Variants in THSD7A observed in about 807,000 individuals in gnomAD.
THSD7A encodes the protein thrombospondin type-1 domain-containing protein 7A.
THSD7A carries 96 observed loss-of-function variants against 231.3 expected under a neutral mutation model. The ratio of observed to expected loss-of-function variants is 0.41; its 90% CI spans 0.35 to 0.49. The LOEUF (loss-of-function observed/expected upper bound fraction) is 0.49. THSD7A is among the 20% of genes least tolerant of loss of function. The probability of loss-of-function intolerance (pLI) is 0.05; values close to 1 mark genes in which losing one functional copy is unlikely to be tolerated. For missense variants in THSD7A, 2,290 were observed against 2,070.2 expected (o/e 1.11, Z -2.06); for synonymous variants, 940 against 743.3 (o/e 1.26, Z -4.30).
At chr7:11,660,285 G>A (rs1430586843) in intron 1 of THSD7A, among the ~76,000 whole-genome samples, 2 of 151,448 alleles carry the variant, frequency 1.3e-5, no homozygotes. Flanking sequence ...CACCTATTTG[G>A]AAAATTAGGT....
intron 24 of THSD7A, among the ~76,000 whole-genome samples, chr7:11,380,405 C>A (rs1782463977): frequency 6.6e-6 from 1 of 152,100 alleles, no homozygotes. Context: ...AAGGAAGCTC[C>A]TATTTTCAAA....
chr7:11,718,196 G>T (rs1781210313), intron 1 of THSD7A, among the ~76,000 whole-genome samples: 2 of 151,472 alleles, frequency 1.3e-5, no homozygotes, highest in South Asian at 4.2e-4. Context: ...ATTTATGAAA[G>T]AACTAAAAAC....
chr7:11,681,864 T>C (rs904007730), intron 1 of THSD7A, among the ~76,000 whole-genome samples: 1 of 149,042 alleles, frequency 6.7e-6, no homozygotes, highest in African/African-American at 2.5e-5. Flanking sequence ...AGAGAAAGGG[T>C]TCATATTACC....
In THSD7A at chr7:11,737,360, G is replaced by A. The variant is rs141522721; in HGVS notation, c.190+94397C>T. ...TGGGCTTAACATCAGCATAGGGCAC[G>A]GTGAGGCTCTTAGCCAGGCTTGATG... On this transcript the variant is annotated intron_variant, in intron 1 of 27. Coordinates refer to ENST00000423059, the MANE Select transcript of THSD7A (RefSeq NM_015204.3). Among the ~76,000 whole-genome samples the A allele has an allele frequency of 2.9e-3, 447 of 152,012 alleles. 3 individuals are homozygous for A. Among genetic ancestry groups the A allele is most frequent in the African/African-American group, 0.01 (431 of 41,496 alleles).
At chr7:11,508,724 A>G (rs1314639372) in intron 6 of THSD7A, among the ~76,000 whole-genome samples, 1 of 152,216 alleles carries the variant, frequency 6.6e-6, no homozygotes, top group Admixed American at 6.5e-5. Flanking sequence ...GATAAAGAAA[A>G]TGTGGTATAT....
intron 6 of THSD7A, among the ~76,000 whole-genome samples, chr7:11,499,134 T>C (rs1390214342): frequency 6.6e-6 from 1 of 152,166 alleles, no homozygotes; most frequent in Non-Finnish European, 1.5e-5. Context: ...TATCCACACC[T>C]CCAACAAGCT....
At chr7:11,717,856 A>G (rs1047588684) in intron 1 of THSD7A, among the ~76,000 whole-genome samples, 10 of 151,632 alleles carry the variant, frequency 6.6e-5, no homozygotes, top group Admixed American at 4.6e-4. Flanking sequence ...TCCAAGATAT[A>G]TCTCATGGGG....
At chr7:11,503,393 A>G (rs1298150358) in intron 6 of THSD7A, among the ~76,000 whole-genome samples, 1 of 152,208 alleles carries the variant, frequency 6.6e-6, no homozygotes, top group Non-Finnish European at 1.5e-5. Context: ...TCTTAGACAC[A>G]GGAATGGGCA....
chr7:11,578,539 A>G (rs965065662), intron 4 of THSD7A, among the ~76,000 whole-genome samples: 9 of 152,236 alleles, frequency 5.9e-5, no homozygotes, highest in African/African-American at 2.2e-4. Context: ...TTAGGGAAGG[A>G]TAAAACACTA....
chr7:11,715,591 A>G (rs1781110069), intron 1 of THSD7A, among the ~76,000 whole-genome samples: 1 of 151,450 alleles, frequency 6.6e-6, no homozygotes, highest in Non-Finnish European at 1.5e-5. Context: ...TGATTTGAGA[A>G]TTATATATTT....
intron 4 of THSD7A, among the ~76,000 whole-genome samples, chr7:11,573,079 C>T (rs1790717675): frequency 6.6e-6 from 1 of 152,132 alleles, no homozygotes; most frequent in Non-Finnish European, 1.5e-5. Context: ...TTGAACTGCA[C>T]TGTGACAGTG....
At chr7:11,596,677 C>G (rs754037411) in intron 2 of THSD7A, among the ~76,000 whole-genome samples, 11 of 152,154 alleles carry the variant, frequency 7.2e-5, no homozygotes, top group Non-Finnish European at 1.3e-4. Flanking sequence ...GGTGGTGATT[C>G]CTACCACATC....
rs531061656 is a variant in THSD7A at position 11,831,492 on chromosome 7, T to G, written c.190+265A>C. ...ATCCAGGGGTTAAAAATAATGCACT[T>G]CATCATGGAAGTGCGCGTTGCCCTC... is the stretch of plus-strand genomic sequence containing the variant. On this transcript the variant is annotated intron_variant, in intron 1 of 27. Coordinates refer to ENST00000423059, the MANE Select transcript of THSD7A (RefSeq NM_015204.3). This position sits in a 1 kb window ranked among gnomAD's most constrained non-coding sequence, Gnocchi z 5.0. Among the ~76,000 whole-genome samples, 2 of 152,286 alleles carry G rather than the reference T, an allele frequency of 1.3e-5. No individual in the cohort carries two copies. Among genetic ancestry groups the G allele is most frequent in the East Asian group, 1.9e-4 (1 of 5,176 alleles).
intron 1 of THSD7A, among the ~76,000 whole-genome samples, chr7:11,738,821 G>C (rs1782006804): frequency 6.6e-6 from 1 of 151,982 alleles, no homozygotes; most frequent in South Asian, 2.1e-4. Flanking sequence ...TTCCTCCAGA[G>C]CTTTAAGAGT....
chr7:11,524,149 C>G (rs1329552914), intron 6 of THSD7A, among the ~76,000 whole-genome samples: 1 of 152,056 alleles, frequency 6.6e-6, no homozygotes, highest in African/African-American at 2.4e-5. Context: ...TAGTAACCAC[C>G]TGTATTTCTT....
chr7:11,696,908 T>C (rs768998210), intron 1 of THSD7A, among the ~76,000 whole-genome samples: 2 of 151,328 alleles, frequency 1.3e-5, no homozygotes, highest in Non-Finnish European at 3.0e-5. Context: ...ATTATGGCCA[T>C]GAGAGAATAT....
intron 24 of THSD7A, 28 bp downstream of exon 24, chr7:11,382,493 A>G (rs370129803): frequency 6.4e-7 from 1 of 1,566,132 alleles, no homozygotes; most frequent in African/African-American, 1.4e-5. Flanking sequence ...GAAGATTTTC[A>G]AAGGACAAAG....
At chr7:11,566,543 T>C (rs187949488) in intron 4 of THSD7A, among the ~76,000 whole-genome samples, 1 of 152,232 alleles carries the variant, frequency 6.6e-6, no homozygotes, top group Non-Finnish European at 1.5e-5. Context: ...ACCATGGTAC[T>C]ACATGCATAC....
chr7:11,807,586 T>C (rs1379776003), intron 1 of THSD7A, among the ~76,000 whole-genome samples: 1 of 152,166 alleles, frequency 6.6e-6, no homozygotes, highest in East Asian at 1.9e-4. Flanking sequence ...CATTAAATAA[T>C]GTAATTTTTA....
Sources: gnomAD v4.1 joint callset for allele counts (sites outside exome capture counted in the v4.1 genomes callset) on GRCh38, gnomAD v4.1.1 for gene constraint, Gnocchi (gnomAD v3.1) non-coding constraint, MANE v1.5 for transcripts, NCBI Gene and HGNC (gene_info 2026-07-23, HGNC 2026-07-21) for gene names.